Variants in KIAA0825 observed in about 807,000 individuals in gnomAD.
KIAA0825 encodes the protein uncharacterized protein KIAA0825.
In KIAA0825, 119 loss-of-function variants were observed where a neutral mutation model predicts 147.6. The ratio of observed to expected loss-of-function variants is 0.81; its 90% confidence interval spans 0.69 to 0.94. KIAA0825 has a LOEUF of 0.94. KIAA0825 is among the 40% of genes least tolerant of loss of function. The pLI is 0.00. For synonymous variants in KIAA0825, 470 were observed against 518.1 expected (o/e 0.91, Z 1.26); for missense variants, 1,381 against 1,472.7 (o/e 0.94, Z 1.02).
chr5:94,199,886 C>T (rs1412400400), intron 20 of KIAA0825, among the ~76,000 whole-genome samples: 1 of 152,146 alleles, frequency 6.6e-6, no homozygotes, highest in Non-Finnish European at 1.5e-5. Context: ...CTGGAAAGTG[C>T]TTTAGTGGGG....
chr5:94,553,873 A>C (rs1184794214), intron 2 of KIAA0825, among the ~76,000 whole-genome samples: 1 of 152,124 alleles, frequency 6.6e-6, no homozygotes, highest in Non-Finnish European at 1.5e-5. Flanking sequence ...GTTCTCTAAG[A>C]AACAGCATGA....
intron 1 of KIAA0825, among the ~76,000 whole-genome samples, chr5:94,607,536 G>A (rs1283535359): frequency 6.6e-6 from 1 of 152,080 alleles, no homozygotes; most frequent in Non-Finnish European, 1.5e-5. Context: ...TTGAACCCAC[G>A]AGACGGAGGT....
chr5:94,537,097 A>ATTATGAG lies in KIAA0825; in HGVS notation c.23_29dup (p.Phe12Ter). 6.2e-7 allele frequency: 1 copy of ATTATGAG among 1,611,814 alleles called. No homozygotes were observed. Among genetic ancestry groups the ATTATGAG allele is most frequent in the Non-Finnish European group, 8.5e-7 (1 of 1,178,540 alleles). ...TTAACAAACAATGTAGGTCAAAAGA[A>ATTATGAG]TTATGAGAATATTCATCATCCCAAT... On this transcript the variant is annotated stop_gained and frameshift_variant, in exon 3 of 21. Transcript: ENST00000682413. LOFTEE classifies it high-confidence loss of function.
intron 20 of KIAA0825, among the ~76,000 whole-genome samples, chr5:94,298,712 T>C (rs1320294391): frequency 3.3e-5 from 5 of 152,226 alleles, no homozygotes; most frequent in Non-Finnish European, 7.3e-5. Context: ...GGTCTGAATC[T>C]ATAGAATTGC....
chr5:94,210,974 AAAAC>A (rs1772657365), intron 20 of KIAA0825, among the ~76,000 whole-genome samples: 2 of 152,170 alleles, frequency 1.3e-5, no homozygotes, highest in Non-Finnish European at 2.9e-5. Flanking sequence ...CCATGTCTCC[AAAAC>A]TAAGCAATTT....
chr5:94,230,150 G>A (rs1774561877), intron 20 of KIAA0825, among the ~76,000 whole-genome samples: 1 of 152,136 alleles, frequency 6.6e-6, no homozygotes, highest in South Asian at 2.1e-4. Context: ...TAGTATTTGA[G>A]GCTCTTGTCT....
In KIAA0825 at chr5:94,276,193, G is replaced by A. The variant is rs182144592; in HGVS notation, c.3710+108175C>T. 1.4e-3 allele frequency among the ~76,000 whole-genome samples: 218 copies of A among 152,198 alleles called. 2 individuals carry two copies. The highest frequency in any genetic ancestry group is 1.4e-3 in the Non-Finnish European group (95 of 67,996). On this transcript the variant is annotated intron_variant, in intron 20 of 20. Coordinates refer to ENST00000682413, the MANE Select transcript of KIAA0825 (RefSeq NM_001145678.3). ...CAGTCTAATGAAAGAACATAAACTA[G>A]GAAAGAAAATTAGACTAAGAATGTG... is the stretch of plus-strand genomic sequence containing the variant.
intron 20 of KIAA0825, among the ~76,000 whole-genome samples, chr5:94,217,749 T>A (rs1773327988): frequency 6.6e-6 from 1 of 152,158 alleles, no homozygotes; most frequent in East Asian, 1.9e-4. Context: ...ATTATAGAGA[T>A]TTAAGGTGTC....
At position 94,515,562 on chromosome 5, in the gene KIAA0825, C is replaced by CG. The variant is rs573632233; in HGVS notation, c.970+4685dup. 2.0e-3 allele frequency among the ~76,000 whole-genome samples: 303 copies of CG among 152,192 alleles called. 1 individual carries two copies. Among genetic ancestry groups the CG allele is most frequent in the African/African-American group, 7.1e-3 (294 of 41,526 alleles). On this transcript the variant is annotated intron_variant, in intron 5 of 20. Coordinates refer to ENST00000682413, the MANE Select transcript of KIAA0825 (RefSeq NM_001145678.3). ...ATCCCAGCACTTTGGGAGGCCAAGG[C>CG]GGGTGGATCACCTGAGGTAAGGAGT...
At chr5:94,327,812 C>A (rs1441212610) in intron 20 of KIAA0825, among the ~76,000 whole-genome samples, 1 of 152,048 alleles carries the variant, frequency 6.6e-6, no homozygotes, top group Non-Finnish European at 1.5e-5. Context: ...TCAAGACCAT[C>A]CTGGCCAACA....
chr5:94,290,430 C>T (rs980482971), intron 20 of KIAA0825, among the ~76,000 whole-genome samples: 1 of 152,150 alleles, frequency 6.6e-6, no homozygotes, highest in South Asian at 2.1e-4. Context: ...TGATGGTTTA[C>T]AGCTTCATCC....
intron 3 of KIAA0825, among the ~76,000 whole-genome samples, chr5:94,532,713 T>C (rs1050502513): frequency 7.7e-4 from 114 of 148,540 alleles, no homozygotes; most frequent in Middle Eastern, 3.5e-3. Flanking sequence ...TTTTTTTTTT[T>C]CAGTAGAGAT....
rs1562524246 is a variant in KIAA0825 at position 94,465,077 on chromosome 5, CG to C, written c.1873-19del. 1.3e-6 allele frequency: 2 copies of C among 1,547,386 alleles called. No individual in the cohort carries two copies. Among genetic ancestry groups the C allele is most frequent in the Admixed American group, 3.9e-5 (2 of 50,782 alleles). On this transcript the variant is annotated intron_variant, in intron 10 of 20. Coordinates refer to ENST00000682413, the MANE Select transcript of KIAA0825 (RefSeq NM_001145678.3). ...CTTTCCCCCTGGCAAAGCCAGCACA[CG>C]TTAAACCATAGAGTTACATCTTCTA... is the stretch of plus-strand genomic sequence containing the variant.
chr5:94,339,907 A>G (rs190498547), intron 20 of KIAA0825, among the ~76,000 whole-genome samples: 34 of 152,250 alleles, frequency 2.2e-4, no homozygotes, highest in African/African-American at 7.9e-4. Context: ...ATATATCCCC[A>G]TTTTCATCAG....
rs190296964 is a variant in KIAA0825 at position 94,305,968 on chromosome 5, C to T, written c.3710+78400G>A. The stretch of plus-strand genomic sequence containing the variant: ...GTACACTTAAAACTTGTTTAGCTAC[C>T]TCCTACCTATTGAAAGAATATGTAC... On this transcript the variant is annotated intron_variant, in intron 20 of 20. Coordinates refer to ENST00000682413, the MANE Select transcript of KIAA0825 (RefSeq NM_001145678.3). Among the ~76,000 whole-genome samples, 920 of 151,932 alleles carry T rather than the reference C, an allele frequency of 6.1e-3. 12 individuals carry two copies. Among genetic ancestry groups the T allele is most frequent in the Non-Finnish European group, 0.011 (734 of 67,902 alleles).
rs142566922 is a variant in KIAA0825, at chr5:94,357,254, G to GT, written c.3710+27113dup. On this transcript the variant is annotated intron_variant, in intron 20 of 20. Transcript: ENST00000682413. ...CTCAAGCTAACACACGTTAAAAGTGGTTTTTCCCCAACTGATAAAACTTTG... is the reference window on the plus strand; with the variant it reads ...CTCAAGCTAACACACGTTAAAAGTGGTTTTTTCCCCAACTGATAAAACTTTG... Among the ~76,000 whole-genome samples the GT allele has an allele frequency of 2.0e-3, 309 of 152,170 alleles. 2 individuals carry two copies. The highest frequency in any genetic ancestry group is 7.2e-3 in the African/African-American group (301 of 41,520).
chr5:94,267,896 T>C (rs1776805229), intron 20 of KIAA0825, among the ~76,000 whole-genome samples: 1 of 152,142 alleles, frequency 6.6e-6, no homozygotes, highest in South Asian at 2.1e-4. Flanking sequence ...GACCCACAAT[T>C]AGGCAAAGTA....
At chr5:94,466,568 C>T (rs1760533464) in intron 10 of KIAA0825, among the ~76,000 whole-genome samples, 2 of 151,732 alleles carry the variant, frequency 1.3e-5, no homozygotes, top group Non-Finnish European at 2.9e-5. Flanking sequence ...GAAACCCCAT[C>T]TCTACTAAAA....
intron 2 of KIAA0825, among the ~76,000 whole-genome samples, chr5:94,556,011 A>G (rs1776468772): frequency 6.6e-6 from 1 of 152,174 alleles, no homozygotes; most frequent in African/African-American, 2.4e-5. Context: ...TGTATTATGT[A>G]TCAACTGGGA....
Sources: allele counts gnomAD v4.1 joint callset (sites outside exome capture counted in the v4.1 genomes callset), GRCh38; gene constraint gnomAD v4.1.1; transcripts MANE v1.5; gene names NCBI Gene and HGNC (gene_info 2026-07-23, HGNC 2026-07-21).